The following KANK3 variants were observed in gnomAD, a reference collection of about 807,000 sequenced individuals.
KANK3 encodes KN motif and ankyrin repeat domain-containing protein 3.
Under a neutral mutation model 65.4 loss-of-function variants are expected in KANK3, and 61 were observed. That is an observed-to-expected ratio of 0.93 (90% confidence interval 0.76 to 1.15). The LOEUF is 1.15. Ranked by LOEUF, KANK3 falls within the 50% of genes most tolerant of loss-of-function variation. The pLI, the probability that KANK3 is intolerant of heterozygous loss-of-function variation, is 0.00. For synonymous variants in KANK3, 586 were observed against 543.3 expected, an observed-to-expected ratio of 1.08 and a Z score of -1.09; for missense variants, 1,187 against 1,178.8, an observed-to-expected ratio of 1.01 and a Z score of -0.10.
At chr19:8,325,830 CTATT>C (rs986277931) in intron 7 of KANK3, among the ~76,000 whole-genome samples, 10 of 151,958 alleles carry the variant, frequency 6.6e-5, no homozygotes, top group South Asian at 4.2e-4. Context: ...CCAGGAGCAA[CTATT>C]TATTTATTTA....
intron 7 of KANK3, among the ~76,000 whole-genome samples, chr19:8,332,408 C>A (rs554664294): frequency 1.3e-5 from 2 of 151,704 alleles, no homozygotes; most frequent in Admixed American, 1.3e-4. Flanking sequence ...GAACTCCTGA[C>A]CTCAAGTGAT....
At chr19:8,340,637 G>A (rs1388823889) in intron 1 of KANK3, among the ~76,000 whole-genome samples, 3 of 152,102 alleles carry the variant, frequency 2.0e-5, no homozygotes, top group African/African-American at 4.8e-5. Context: ...GACCACCTGT[G>A]TGCCTGATGC....
intron 10 of KANK3, 67 bp from the exon 11 acceptor site, chr19:8,322,989 C>T: frequency 2.2e-6 from 2 of 908,036 alleles, no homozygotes; most frequent in Non-Finnish European, 3.3e-6. Context: ...GGGATTCAGC[C>T]CCAGCCTCAC....
intron 7 of KANK3, among the ~76,000 whole-genome samples, chr19:8,330,313 G>A (rs568727570): frequency 1.3e-5 from 2 of 152,186 alleles, no homozygotes; most frequent in South Asian, 2.1e-4. Flanking sequence ...GGGAATTAGA[G>A]GCTGGGCACA....
At chr19:8,325,163 C>T in intron 7 of KANK3, 67 bp from the exon 8 acceptor site, 2 of 1,508,276 alleles carry the variant, frequency 1.3e-6, no homozygotes, top group Non-Finnish European at 1.8e-6. Context: ...CCACTCACCT[C>T]CCTGCAAGCC....
chr19:8,330,512 T>C (rs1214716933), intron 7 of KANK3, among the ~76,000 whole-genome samples: 2 of 152,104 alleles, frequency 1.3e-5, no homozygotes, highest in African/African-American at 2.4e-5. Flanking sequence ...GCGGATTACC[T>C]GAGGTCGGGA....
At chr19:8,325,249 G>A (rs952888494) in intron 7 of KANK3, among the ~76,000 whole-genome samples, 153 bp from the exon 8 acceptor site, 2 of 148,042 alleles carry the variant, frequency 1.4e-5, no homozygotes, top group African/African-American at 5.0e-5. Flanking sequence ...CCTCACTAAG[G>A]TGTTGCTCAA....
chr19:8,325,212 C>G, intron 7 of KANK3, 116 bp from the exon 8 acceptor site: 1 of 1,139,888 alleles, frequency 8.8e-7, no homozygotes, highest in South Asian at 1.6e-5. Flanking sequence ...TCTCAACGTT[C>G]TCCCCACAAT....
intron 7 of KANK3, 27 bp downstream of exon 7, chr19:8,332,987 T>TGGGGCCCCC: frequency 5.1e-6 from 2 of 395,194 alleles, no homozygotes; most frequent in Non-Finnish European, 9.5e-6. Context: ...TTTCCTGGTG[T>TGGGGCCCCC]CCCACCCACC....
At chr19:8,332,987 T>TTGGGGCCCCCCC in intron 7 of KANK3, 27 bp downstream of exon 7, 2 of 395,198 alleles carry the variant, frequency 5.1e-6, no homozygotes, top group Non-Finnish European at 9.5e-6. Context: ...TTTCCTGGTG[T>TTGGGGCCCCCCC]CCCACCCACC....
chr19:8,336,401 C>A (rs567018294), intron 2 of KANK3, among the ~76,000 whole-genome samples: 1 of 149,052 alleles, frequency 6.7e-6, no homozygotes, highest in East Asian at 2.0e-4. Flanking sequence ...CGCACCAATG[C>A]ACTCCAGCCT....
At position 8,324,558 on chromosome 19, in the gene KANK3, T is replaced by A. The variant is rs1356439521; in HGVS notation, c.2284-11A>T. On this transcript the variant is annotated splice_polypyrimidine_tract_variant and intron_variant, in intron 9 of 10. Transcript: ENST00000330915. ...GGCACTGGTGCCCTCCTGTGGAACGTTAGGGACAGTCAGATCCCTGAGCCA... is the reference window on the plus strand; with the variant it reads ...GGCACTGGTGCCCTCCTGTGGAACGATAGGGACAGTCAGATCCCTGAGCCA... 6.2e-7 allele frequency: 1 copy of A among 1,613,368 alleles called. No individual in the cohort carries two copies. The highest frequency in any genetic ancestry group is 1.3e-5 in the African/African-American group (1 of 74,938).
chr19:8,337,655 G>A (rs887061233), intron 2 of KANK3, 140 bp downstream of exon 2: 1 of 1,002,570 alleles, frequency 1.0e-6, no homozygotes, highest in Admixed American at 1.9e-5. Context: ...CATGATTGAT[G>A]CCATAGGTGG....
At chr19:8,325,889 C>CG (rs1426717361) in intron 7 of KANK3, among the ~76,000 whole-genome samples, 3 of 151,148 alleles carry the variant, frequency 2.0e-5, no homozygotes, top group Non-Finnish European at 4.4e-5. Flanking sequence ...TGCAGTGGCA[C>CG]GATCTCAGCT....
At chr19:8,332,398 G>A (rs1204148821) in intron 7 of KANK3, among the ~76,000 whole-genome samples, 1 of 151,530 alleles carries the variant, frequency 6.6e-6, no homozygotes, top group Non-Finnish European at 1.5e-5. Context: ...GGCCGGTCTC[G>A]AACTCCTGAC....
intron 10 of KANK3, 45 bp from the exon 11 acceptor site, chr19:8,322,967 G>C: frequency 1.8e-6 from 2 of 1,112,634 alleles, no homozygotes; most frequent in Non-Finnish European, 2.5e-6. Flanking sequence ...ATCTCCTTGA[G>C]GCAGGAAACG....
At chr19:8,338,873 C>CAAAAA (rs35505826) in intron 1 of KANK3, among the ~76,000 whole-genome samples, 3 of 18,910 alleles carry the variant, frequency 1.6e-4, no homozygotes, top group East Asian at 1.8e-3. Flanking sequence ...GATTCCGTCT[C>CAAAAA]AAAAAAAAAA....
At chr19:8,327,126 T>C (rs1217739910) in intron 7 of KANK3, among the ~76,000 whole-genome samples, 1 of 151,734 alleles carries the variant, frequency 6.6e-6, no homozygotes, top group African/African-American at 2.4e-5. Flanking sequence ...AGGAGCGGGG[T>C]CGGGGTCATG....
chr19:8,335,392 C>G lies in KANK3; in HGVS notation c.435G>C (p.Gln145His). The change falls in exon 3 of 11, where the codon CAG (glutamine) becomes CAC (histidine). Residue 145 changes from glutamine (Q) to histidine (H), a missense_variant. Physicochemically the swap from Gln to His is conservative, Grantham distance 24 (BLOSUM62 0). Around this residue, in one of 3 missense-constraint regions of KANK3, gnomAD observed 1,078 missense variants for 1,038.2 expected, o/e 1.04. Transcript: ENST00000330915. ...RETSRRLELAQTHERAPSPGR... is the reference protein window; with the variant it reads ...RETSRRLELAHTHERAPSPGR... ...CGGGGCTGGGCGCGCGCTCGTGTGT[C>G]TGCGCCAGCTCCAGCCGCCGGCTGG... is the stretch of plus-strand genomic sequence containing the variant. 1 of 1,201,212 alleles carries G rather than the reference C, an allele frequency of 8.3e-7. No individual in the cohort carries two copies. The allele number at this position is 1,201,212 out of a possible 1,614,324, so 74.4% of individuals were successfully genotyped here.
Sources: allele counts gnomAD v4.1 joint callset (sites outside exome capture counted in the v4.1 genomes callset), GRCh38; gene constraint gnomAD v4.1.1; regional missense constraint gnomAD v4.1.1; transcripts MANE v1.5; gene names NCBI Gene and HGNC (gene_info 2026-07-23, HGNC 2026-07-21).